PPM1L: variants seen among roughly 807,000 people sequenced by gnomAD.
The protein encoded by PPM1L is protein phosphatase 1L.
PPM1L carries 13 observed loss-of-function variants against 31.4 expected under a neutral mutation model. That is an observed-to-expected ratio of 0.41 (90% CI 0.27 to 0.66). The LOEUF is 0.66. Ranked by LOEUF, PPM1L falls within the 30% of genes least tolerant of loss-of-function variation. The pLI is 0.29. For synonymous variants in PPM1L, 184 were observed against 175.4 expected (o/e 1.05, Z -0.39); for missense variants, 326 against 453.7 (o/e 0.72, Z 2.56).
At chr3:160,966,737 A>G (rs1252079925) in intron 2 of PPM1L, among the ~76,000 whole-genome samples, 1 of 152,094 alleles carries the variant, frequency 6.6e-6, no homozygotes, top group Non-Finnish European at 1.5e-5. Flanking sequence ...GCATCACTGA[A>G]AACAGTAAGT....
Position 161,043,975 on chromosome 3 carries a change from A to G in PPM1L, c.575-21428A>G, listed in dbSNP as rs536843053. Reference sequence around the variant, plus strand: ...CCATGAATTAAAAAAACAATTAAAAATATTTTATACCTCATTTGTATGCTG... The same window carrying G: ...CCATGAATTAAAAAAACAATTAAAAGTATTTTATACCTCATTTGTATGCTG... On this transcript the variant is annotated intron_variant, in intron 2 of 3. Coordinates refer to ENST00000498165, the MANE Select transcript of PPM1L (RefSeq NM_139245.4). Among the ~76,000 whole-genome samples the G allele has an allele frequency of 2.0e-4, 30 of 152,248 alleles. 1 individual carries two copies. The South Asian group carries it at 2.9e-3, about 15-fold the overall frequency.
At chr3:160,913,353 AC>A (rs1467162341) in intron 1 of PPM1L, among the ~76,000 whole-genome samples, 4 of 152,278 alleles carry the variant, frequency 2.6e-5, no homozygotes, top group East Asian at 3.9e-4. Flanking sequence ...ATCTGATTTC[AC>A]CTATATTTTT....
intron 2 of PPM1L, among the ~76,000 whole-genome samples, chr3:160,991,079 TA>T (rs3063243): frequency 0.16 from 21,590 of 137,990 alleles, 1,716 homozygotes; most frequent in East Asian, 0.28. Context: ...GCTGATGAGC[TA>T]AAAAAAAAAA....
chr3:161,012,367 C>A (rs1717925146), intron 2 of PPM1L, among the ~76,000 whole-genome samples: 1 of 152,108 alleles, frequency 6.6e-6, no homozygotes, highest in Non-Finnish European at 1.5e-5. Flanking sequence ...AGGGATGAAG[C>A]CCACTTGATC....
At chr3:161,014,673 C>T (rs1224861011) in intron 2 of PPM1L, among the ~76,000 whole-genome samples, 2 of 152,106 alleles carry the variant, frequency 1.3e-5, no homozygotes, top group African/African-American at 4.8e-5. Context: ...TGGGGTTTCA[C>T]CTTGGTCAGC....
At chr3:160,983,994 G>T (rs1576762079) in intron 2 of PPM1L, among the ~76,000 whole-genome samples, 1 of 152,168 alleles carries the variant, frequency 6.6e-6, no homozygotes, top group South Asian at 2.1e-4. Context: ...AGATCACAAG[G>T]TCAGGGCAAA....
chr3:160,834,644 A>T (rs1009594838), intron 1 of PPM1L, among the ~76,000 whole-genome samples: 2 of 152,092 alleles, frequency 1.3e-5, no homozygotes, highest in South Asian at 2.1e-4. Context: ...GGTGTTATTA[A>T]GTGCAATCAT....
intron 1 of PPM1L, chr3:160,870,478 A>G (rs1202645750): frequency 6.6e-6 from 1 of 152,236 alleles, no homozygotes; most frequent in Non-Finnish European, 1.5e-5. Flanking sequence ...GGGCATAATA[A>G]TCGCTAGCAA....
rs753566512 is a variant in PPM1L at position 161,069,039 on chromosome 3, A to C, written c.965A>C (p.Asp322Ala). Residue 322 changes from aspartate to alanine, a missense_variant, in exon 4 of 4, where the codon GAT becomes GCT. This residue lies in a region of PPM1L where 201 missense variants were observed against 298.2 expected (regional missense o/e 0.67). Coordinates refer to ENST00000498165, the MANE Select transcript of PPM1L (RefSeq NM_139245.4). The stretch of plus-strand genomic sequence containing the variant: ...GTTCGATTCATCAAGGAGCGCTTGG[A>C]TGAACCTCACTTTGGGGCCAAGAGC... ...EAVRFIKERL[D>A]EPHFGAKSIV... 1.2e-6 allele frequency: 2 copies of C among 1,614,212 alleles called. No individual in the cohort carries two copies. The highest frequency in any genetic ancestry group is 2.2e-5 in the South Asian group (2 of 91,084).
intron 2 of PPM1L, among the ~76,000 whole-genome samples, chr3:161,001,611 A>G (rs1376625574): frequency 6.6e-6 from 1 of 152,136 alleles, no homozygotes; most frequent in Non-Finnish European, 1.5e-5. Flanking sequence ...ACTCAATACT[A>G]TATGTTTATC....
intron 1 of PPM1L, among the ~76,000 whole-genome samples, chr3:160,878,839 G>A (rs898103474): frequency 4.6e-5 from 7 of 152,196 alleles, no homozygotes; most frequent in African/African-American, 1.7e-4. Context: ...TGCACATTCA[G>A]TTTAATAGGA....
chr3:161,005,935 C>T (rs185943615), intron 2 of PPM1L, among the ~76,000 whole-genome samples: 64 of 150,984 alleles, frequency 4.2e-4, no homozygotes, highest in African/African-American at 1.5e-3. Flanking sequence ...GACTTCAGAC[C>T]CAAAAGCTAT....
At position 161,073,573 on chromosome 3, in the gene PPM1L, T is replaced by A. The variant is rs1720003824; in HGVS notation, c.*4416T>A. On this transcript the variant is annotated 3_prime_UTR_variant, in exon 4 of 4. Coordinates refer to ENST00000498165, the MANE Select transcript of PPM1L (RefSeq NM_139245.4). ...AAGCTCTAAACATCATCCCCCCCTT[T>A]TTTTTTTTAACGGAATCTCGCTCTG... The A allele has an allele frequency of 1.3e-5, 2 of 151,690 alleles. No homozygotes were observed. The highest frequency in any genetic ancestry group is 4.8e-5 in the African/African-American group (2 of 41,260). 9.4% of individuals were successfully genotyped at this position (151,690 alleles called of 1,614,324 possible). A position where few individuals can be genotyped will look rare whatever the true frequency, so the allele number is the denominator to read the frequency against.
intron 1 of PPM1L, among the ~76,000 whole-genome samples, chr3:160,865,871 A>G (rs1055100592): frequency 6.6e-6 from 1 of 152,250 alleles, no homozygotes; most frequent in South Asian, 2.1e-4. Flanking sequence ...ACATAGATTT[A>G]TCCAGTTAAT....
At chr3:160,779,509 A>G (rs1711674011) in intron 1 of PPM1L, among the ~76,000 whole-genome samples, 1 of 152,024 alleles carries the variant, frequency 6.6e-6, no homozygotes, top group Non-Finnish European at 1.5e-5. Flanking sequence ...CCTGGCTTCT[A>G]ACCTTCACTC....
rs1719990624 is a variant in PPM1L at position 161,073,251 on chromosome 3, C to T, written c.*4094C>T. ...GAGAGAAAAACACAACAAATATCTA[C>T]TGTCAGTTAGCCCAGTGTTTTCCAG... On this transcript the variant is annotated 3_prime_UTR_variant, in exon 4 of 4. Coordinates refer to ENST00000498165, the MANE Select transcript of PPM1L (RefSeq NM_139245.4). 6.6e-6 allele frequency: 1 copy of T among 152,198 alleles called. No homozygotes were observed. Among genetic ancestry groups the T allele is most frequent in the Admixed American group, 6.5e-5 (1 of 15,280 alleles). The allele number at this position is 152,198 out of a possible 1,614,324, so 9.4% of individuals were successfully genotyped here. A position where few individuals can be genotyped will look rare whatever the true frequency, so the allele number is the denominator to read the frequency against.
chr3:161,019,092 T>C (rs532143323), intron 2 of PPM1L, among the ~76,000 whole-genome samples: 1 of 152,216 alleles, frequency 6.6e-6, no homozygotes, highest in Non-Finnish European at 1.5e-5. Context: ...ATAAGATTAT[T>C]TGATTAATTT....
intron 1 of PPM1L, among the ~76,000 whole-genome samples, chr3:160,825,098 TTA>T (rs1296313421): frequency 6.6e-6 from 1 of 152,150 alleles, no homozygotes; most frequent in African/African-American, 2.4e-5. Context: ...TGTAACATCC[TTA>T]TATCCTGATG....
In PPM1L at chr3:161,073,826, G is replaced by A. The variant is rs935316503; in HGVS notation, c.*4669G>A. Reference sequence around the variant, plus strand: ...TCCACCAGCCTTGGCCTCCCAAAGTGCTGGGATTACAGGTGTGAGCCACTG... The same window carrying A: ...TCCACCAGCCTTGGCCTCCCAAAGTACTGGGATTACAGGTGTGAGCCACTG... On this transcript the variant is annotated 3_prime_UTR_variant, in exon 4 of 4. Transcript: ENST00000498165. 1 of 152,206 alleles carries A rather than the reference G, an allele frequency of 6.6e-6. No individual in the cohort carries two copies. The highest frequency in any genetic ancestry group is 2.4e-5 in the African/African-American group (1 of 41,442). The allele number at this position is 152,206 out of a possible 1,614,324, so 9.4% of individuals were successfully genotyped here. A position where few individuals can be genotyped will look rare whatever the true frequency, so the allele number is the denominator to read the frequency against.
Sources: gnomAD v4.1 joint callset for allele counts (sites outside exome capture counted in the v4.1 genomes callset) on GRCh38, gnomAD v4.1.1 for gene constraint, gnomAD v4.1.1 regional missense constraint, MANE v1.5 for transcripts, NCBI Gene and HGNC (gene_info 2026-07-23, HGNC 2026-07-21) for gene names.